CPS1: variants seen among roughly 807,000 people sequenced by gnomAD.
CPS1 encodes the protein carbamoyl-phosphate synthase 1, also known as carbamoyl-phosphate synthase [ammonia], mitochondrial.
CPS1 carries 109 observed loss-of-function variants against 174.6 expected under a neutral mutation model. The ratio of observed to expected loss-of-function variants is 0.62; its 90% CI spans 0.53 to 0.73. The LOEUF is 0.73. CPS1 is among the 30% of genes least tolerant of loss of function. The probability of loss-of-function intolerance (pLI) is 0.00; values close to 1 mark genes in which losing one functional copy is unlikely to be tolerated. For missense variants in CPS1, 1,689 were observed against 1,821.9 expected (o/e 0.93, Z 1.33); for synonymous variants, 637 against 632.0 (o/e 1.01, Z -0.12).
At chr2:210,644,392 A>G (rs970422058) in intron 25 of CPS1, among the ~76,000 whole-genome samples, 1 of 152,100 alleles carries the variant, frequency 6.6e-6, no homozygotes, top group Non-Finnish European at 1.5e-5. Context: ...CCCATTAGAG[A>G]ATGCATGACT....
chr2:210,642,723 C>A, intron 25 of CPS1, 58 bp downstream of exon 25: 1 of 1,448,652 alleles, frequency 6.9e-7, no homozygotes, highest in Non-Finnish European at 9.5e-7. Context: ...GTAGTATACA[C>A]TTTATATATA....
At chr2:210,643,104 A>G (rs191361234) in intron 25 of CPS1, among the ~76,000 whole-genome samples, 14 of 152,326 alleles carry the variant, frequency 9.2e-5, no homozygotes, top group East Asian at 5.8e-4. Context: ...AAAATAGTCA[A>G]TTGCTCACAA....
chr2:210,496,530 GAGA>G (rs987395915), intron 1 of CPS1, among the ~76,000 whole-genome samples: 3 of 152,182 alleles, frequency 2.0e-5, no homozygotes, highest in East Asian at 1.9e-4. Context: ...CTTGGCAAGA[GAGA>G]AGGACAATGA....
At chr2:210,579,855 G>C in intron 5 of CPS1, 85 bp downstream of exon 5, 1 of 1,096,708 alleles carries the variant, frequency 9.1e-7, no homozygotes, top group Non-Finnish European at 1.4e-6. Context: ...CAGTGCCTAA[G>C]GGATCCATTA....
chr2:210,494,159 T>C (rs559391599), intron 1 of CPS1, among the ~76,000 whole-genome samples: 224 of 152,274 alleles, frequency 1.5e-3, no homozygotes, highest in Middle Eastern at 3.4e-3. Flanking sequence ...AAAGAAAACA[T>C]GTAAGCTGTG....
intron 27 of CPS1, among the ~76,000 whole-genome samples, chr2:210,648,979 A>G (rs934906820): frequency 6.6e-6 from 1 of 152,208 alleles, no homozygotes; most frequent in Non-Finnish European, 1.5e-5. Flanking sequence ...TAATAGATAA[A>G]TTATAAGGGT....
chr2:210,488,550 C>G (rs1694785066), intron 1 of CPS1, among the ~76,000 whole-genome samples: 1 of 152,158 alleles, frequency 6.6e-6, no homozygotes, highest in African/African-American at 2.4e-5. Context: ...TTTCCTCTAT[C>G]TACTTTTGCT....
chr2:210,555,430 G>A (rs925007372), upstream of CPS1, among the ~76,000 whole-genome samples: 1 of 151,942 alleles, frequency 6.6e-6, no homozygotes, highest in African/African-American at 2.4e-5. Context: ...GTATAAACTA[G>A]TATGAGCCTA....
Position 210,513,998 on chromosome 2 carries a change from C to T in CPS1, c.3+36232C>T, listed in dbSNP as rs1413537500. 6.0e-5 allele frequency among the ~76,000 whole-genome samples: 9 copies of T among 149,896 alleles called. 1 individual carries two copies. The highest frequency in any genetic ancestry group is 2.0e-4 in the East Asian group (1 of 5,090). On this transcript the variant is annotated intron_variant, in intron 1 of 38. Coordinates refer to the CPS1 transcript ENST00000430249. ...GTTTGTCAAAGATCAGATGGCTGTA[C>T]GTGGCACTGTTTCTGGGCTCTCTAT...
chr2:210,538,866 GTTTAAGAT>G (rs1696327426), intron 1 of CPS1, among the ~76,000 whole-genome samples: 1 of 152,066 alleles, frequency 6.6e-6, no homozygotes, highest in South Asian at 2.1e-4. Flanking sequence ...TTACAAATAA[GTTTAAGAT>G]CTTCCTATGG....
intron 16 of CPS1, 49 bp downstream of exon 16, chr2:210,602,379 G>A (rs201447836): frequency 1.2e-6 from 2 of 1,607,416 alleles, no homozygotes; most frequent in South Asian, 2.2e-5. Flanking sequence ...AAACTGGCTT[G>A]ATAGACCTTT....
intron 14 of CPS1, among the ~76,000 whole-genome samples, 169 bp from the exon 15 acceptor site, chr2:210,600,386 A>T (rs1021597164): frequency 6.6e-6 from 1 of 151,892 alleles, no homozygotes; most frequent in Non-Finnish European, 1.5e-5. Flanking sequence ...ATTTTGTCAG[A>T]CCGTCTTCAG....
chr2:210,656,337 C>A (rs1177902707), intron 29 of CPS1, among the ~76,000 whole-genome samples, 188 bp from the exon 30 acceptor site: 1 of 152,130 alleles, frequency 6.6e-6, no homozygotes, highest in African/African-American at 2.4e-5. Flanking sequence ...CTCTTAGCTG[C>A]CTCTACAGGA....
rs146466679 is a variant in CPS1, at chr2:210,484,613, C to A, written c.3+6847C>A. Among the ~76,000 whole-genome samples the A allele has an allele frequency of 4.8e-3, 735 of 152,292 alleles. 1 individual carries two copies. The highest frequency in any genetic ancestry group is 0.014 in the Middle Eastern group (4 of 292). On this transcript the variant is annotated intron_variant, in intron 1 of 38. Transcript: ENST00000430249. ...GATAGTATCAAGGGACTGTAACTTA[C>A]CAGATCACCACATCTGGACGATGAG...
At chr2:210,581,033 T>G (rs1206410982) in intron 5 of CPS1, among the ~76,000 whole-genome samples, 1 of 151,852 alleles carries the variant, frequency 6.6e-6, no homozygotes, top group Non-Finnish European at 1.5e-5. Context: ...AGGAAGACAG[T>G]GAGAGTTTAT....
At chr2:210,591,566 A>G (rs2106110366) in intron 9 of CPS1, among the ~76,000 whole-genome samples, 1 of 152,038 alleles carries the variant, frequency 6.6e-6, no homozygotes, top group Non-Finnish European at 1.5e-5. Flanking sequence ...TTTTGTTATG[A>G]GTGCAATGCC....
At chr2:210,655,890 G>A (rs1182746810) in intron 29 of CPS1, among the ~76,000 whole-genome samples, 1 of 152,186 alleles carries the variant, frequency 6.6e-6, no homozygotes, top group African/African-American at 2.4e-5. Context: ...TAACATATAG[G>A]TTATAGTGAT....
At chr2:210,635,877 G>A (rs1485702496) in intron 21 of CPS1, among the ~76,000 whole-genome samples, 1 of 152,216 alleles carries the variant, frequency 6.6e-6, no homozygotes, top group African/African-American at 2.4e-5. Flanking sequence ...ACTAGGAAGA[G>A]CTGTAGCTGC....
At chr2:210,541,358 G>A (rs1024689875) in intron 1 of CPS1, among the ~76,000 whole-genome samples, 1 of 152,080 alleles carries the variant, frequency 6.6e-6, no homozygotes, top group African/African-American at 2.4e-5. Context: ...GCTTGAGAGC[G>A]CTGTCCCATT....
Sources: gnomAD v4.1 joint callset for allele counts (sites outside exome capture counted in the v4.1 genomes callset) on GRCh38, gnomAD v4.1.1 for gene constraint, MANE v1.5 for transcripts, NCBI Gene and HGNC (gene_info 2026-07-23, HGNC 2026-07-21) for gene names.